Variants in DNAH7 observed in about 807,000 individuals in gnomAD.
The protein encoded by DNAH7 is axonemal beta dynein heavy chain 7.
In DNAH7, 397 loss-of-function variants were observed where a neutral mutation model predicts 444.6. That is an observed-to-expected ratio of 0.89 (90% CI 0.82 to 0.97). DNAH7 has a LOEUF of 0.97. Among genes scored for constraint, DNAH7 ranks in the 50% least tolerant of loss-of-function variants. The probability of loss-of-function intolerance (pLI) is 0.00; values close to 1 mark genes in which losing one functional copy is unlikely to be tolerated. For synonymous variants in DNAH7, 1,636 were observed against 1,624.4 expected (o/e 1.01, Z -0.17); for missense variants, 4,902 against 4,800.8 (o/e 1.02, Z -0.62).
intron 55 of DNAH7, among the ~76,000 whole-genome samples, chr2:195,797,767 A>T (rs556123086): frequency 2.8e-4 from 43 of 152,314 alleles, no homozygotes; most frequent in African/African-American, 1.0e-3. Flanking sequence ...TATAGGTCAG[A>T]TCATGTCAGT....
intron 17 of DNAH7, among the ~76,000 whole-genome samples, chr2:195,966,693 T>C (rs1468772209): frequency 6.6e-6 from 1 of 152,206 alleles, no homozygotes; most frequent in Admixed American, 6.5e-5. Flanking sequence ...CTTGTATCGT[T>C]ATATAATACT....
rs1361594355 is a variant in DNAH7, at chr2:195,864,908, A to T, written c.6747T>A (p.Phe2249Leu). The T allele has an allele frequency of 6.2e-7, 1 of 1,613,466 alleles. No homozygotes were observed. Among genetic ancestry groups the T allele is most frequent in the Admixed American group, 1.7e-5 (1 of 60,024 alleles). Residue 2249 changes from phenylalanine (F) to leucine (L), a missense_variant, in exon 41 of 65, where the codon TTT (phenylalanine) becomes TTA (leucine). Coordinates refer to ENST00000312428, the MANE Select transcript of DNAH7 (RefSeq NM_018897.3). ...CATCATTATCAAAATCCAAACGCTG[A>T]AAAAGCTCATGAAAATCTTCATACA... ...NYMYEDFHEL[F>L]QRLDFDNDGM...
At chr2:195,850,370 A>G (rs1467941310) in intron 46 of DNAH7, among the ~76,000 whole-genome samples, 2 of 152,074 alleles carry the variant, frequency 1.3e-5, no homozygotes. Flanking sequence ...AATACCCAAC[A>G]CCATTAAAAC....
chr2:195,832,209 A>C (rs543765357), intron 48 of DNAH7, among the ~76,000 whole-genome samples: 1 of 152,310 alleles, frequency 6.6e-6, no homozygotes, highest in South Asian at 2.1e-4. Context: ...ATACTTTGGA[A>C]AACACTAAAC....
rs1688181345 is a variant in DNAH7, at chr2:195,923,958, CT to C, written c.3613-152del. 4 of 778,322 alleles carry C rather than the reference CT, an allele frequency of 5.1e-6. No individual in the cohort carries two copies. The South Asian group carries it at 7.5e-5, about 15-fold the overall frequency. 48.2% of individuals were successfully genotyped at this position (778,322 alleles called of 1,614,324 possible). A position where few individuals can be genotyped will look rare whatever the true frequency, so the allele number is the denominator to read the frequency against. On this transcript the variant is annotated intron_variant, in intron 22 of 64. Transcript: ENST00000312428. ...ATTTAAAAATAATTTGTTTTTCTGA[CT>C]ACAAAGATACTAGGTAAACAAGACC...
At chr2:195,859,537 T>A (rs1320456029) in intron 42 of DNAH7, among the ~76,000 whole-genome samples, 1 of 152,030 alleles carries the variant, frequency 6.6e-6, no homozygotes, top group Non-Finnish European at 1.5e-5. Flanking sequence ...TACCATAATG[T>A]CTCCAAGTAA....
chr2:195,787,073 C>T lies in DNAH7; in HGVS notation c.10815G>A (p.Glu3605=), dbSNP rs752313196. 2.5e-6 allele frequency: 4 copies of T among 1,612,402 alleles called. No homozygotes were observed. The highest frequency in any genetic ancestry group is 3.4e-6 in the Non-Finnish European group (4 of 1,179,524). The change falls in exon 58 of 65, where the codon GAG becomes GAA. Residue 3605 remains glutamate, a synonymous_variant. Coordinates refer to ENST00000312428, the MANE Select transcript of DNAH7 (RefSeq NM_018897.3). ...FGPLGWNIPY[E]FNETDLRISV... ...TGATTCTCAGATCTGTCTCATTGAA[C>T]TCATAAGGAATATTCCACCCTAGGG...
intron 19 of DNAH7, among the ~76,000 whole-genome samples, chr2:195,944,388 T>A (rs1689662066): frequency 6.6e-6 from 1 of 152,166 alleles, no homozygotes. Flanking sequence ...TTGACTAGCA[T>A]CTTGAAACAG....
chr2:195,923,743 C>T lies in DNAH7; in HGVS notation c.3677G>A (p.Gly1226Asp), dbSNP rs868337894. 1.9e-6 allele frequency: 3 copies of T among 1,614,098 alleles called. No individual in the cohort carries two copies. Among genetic ancestry groups the T allele is most frequent in the East Asian group, 2.2e-5 (1 of 44,874 alleles). Residue 1226 changes from glycine to aspartate, a missense_variant, in exon 23 of 65, where the codon GGC (glycine) becomes GAC (aspartate). Gly to Asp is a moderately conservative substitution (Grantham distance 94). Coordinates refer to ENST00000312428, the MANE Select transcript of DNAH7 (RefSeq NM_018897.3). ...QIDDIVTLVR[G>D]KLSMQNRVTL... ...TACGCGATTCTGCATGGACAATTTG[C>T]CACGCACCAAAGTGACAATATCATC...
intron 63 of DNAH7, among the ~76,000 whole-genome samples, chr2:195,745,214 G>A (rs140788134): frequency 0.013 from 2,014 of 152,294 alleles, 48 homozygotes; most frequent in Non-Finnish European, 0.015. Flanking sequence ...GAATGCAGAA[G>A]CCTCAGGAGC....
In DNAH7 at chr2:195,857,399, T is replaced by C. The variant is rs1699774069; in HGVS notation, c.8392A>G (p.Ile2798Val). 6.3e-7 allele frequency: 1 copy of C among 1,594,768 alleles called. No individual in the cohort carries two copies. Among genetic ancestry groups the C allele is most frequent in the Non-Finnish European group, 8.5e-7 (1 of 1,173,196 alleles). The stretch of plus-strand genomic sequence containing the variant: ...TACTTATCATATGAATCCATTGCTA[T>C]GACCCATTTGCACAGACCTTCGGCC... ...TAAEGLCKWV[I>V]AMDSYDKVAK... The change falls in exon 44 of 65, where the codon ATA becomes GTA. Residue 2798 changes from isoleucine to valine, a missense_variant. By Grantham distance (29) the Ile-to-Val change is conservative. Coordinates refer to ENST00000312428, the MANE Select transcript of DNAH7 (RefSeq NM_018897.3).
chr2:195,976,749 G>GAGAGAGACAGAGAGGCAGAC (rs1692220491), intron 15 of DNAH7, among the ~76,000 whole-genome samples: 1 of 94,916 alleles, frequency 1.1e-5, no homozygotes, highest in African/African-American at 7.2e-5. Context: ...GAGGCAGACA[G>GAGAGAGACAGAGAGGCAGAC]AGAGAGAGAG....
rs369850300 is a variant in DNAH7 at position 195,946,688 on chromosome 2, TTTCTCTCTCC to T, written c.3079-9906_3079-9897del. ...CTCACTCTCTCTTTCTTTCTCTCTC[TTTCTCTCTCC>T]CTCTTACTTTCTCTCTCCCCATCCC... On this transcript the variant is annotated intron_variant, in intron 19 of 64. Transcript: ENST00000312428. Among the ~76,000 whole-genome samples the T allele has an allele frequency of 2.1e-3, 318 of 152,256 alleles. 1 individual carries two copies. Among genetic ancestry groups the T allele is most frequent in the African/African-American group, 7.1e-3 (297 of 41,560 alleles).
Position 195,777,995 on chromosome 2 carries a change from T to C in DNAH7, c.10879-10A>G, listed in dbSNP as rs1272276938. 3.2e-6 allele frequency: 5 copies of C among 1,584,640 alleles called. No individual in the cohort carries two copies. Among genetic ancestry groups the C allele is most frequent in the East Asian group, 2.3e-5 (1 of 44,114 alleles). On this transcript the variant is annotated splice_polypyrimidine_tract_variant and intron_variant, in intron 58 of 64. Transcript: ENST00000312428. ...CCTCATACGGCAGTTCCTAAAATAG[T>C]GCGTGTCAGTCAACCAGTTATCAGT...
intron 54 of DNAH7, among the ~76,000 whole-genome samples, chr2:195,806,006 CTGAA>C (rs1232826322): frequency 6.6e-6 from 1 of 151,838 alleles, no homozygotes; most frequent in Non-Finnish European, 1.5e-5. Context: ...ACAGATGAAA[CTGAA>C]TATAAGTTTT....
chr2:195,798,891 C>G (rs4358140), intron 55 of DNAH7, among the ~76,000 whole-genome samples: 78,723 of 151,724 alleles, frequency 0.52, 21,156 homozygotes, highest in Non-Finnish European at 0.61. Flanking sequence ...TACAATTGTT[C>G]TGGAAAGTCA....
At chr2:195,784,177 T>C (rs529057767) in intron 58 of DNAH7, among the ~76,000 whole-genome samples, 3 of 152,332 alleles carry the variant, frequency 2.0e-5, no homozygotes, top group East Asian at 3.9e-4. Context: ...AGATTCATAA[T>C]GCTGTGTATC....
chr2:195,941,026 A>G (rs1689397638), intron 19 of DNAH7, among the ~76,000 whole-genome samples: 1 of 152,168 alleles, frequency 6.6e-6, no homozygotes, highest in Non-Finnish European at 1.5e-5. Context: ...TACTAGGTAT[A>G]TACCCAAAGG....
intron 50 of DNAH7, 108 bp from the exon 51 acceptor site, chr2:195,817,071 C>T (rs1697258747): frequency 1.4e-5 from 11 of 774,798 alleles, no homozygotes; most frequent in Admixed American, 9.2e-5. Context: ...AGAAATGCAT[C>T]ACTTTGTGAC....
Sources: allele counts gnomAD v4.1 joint callset (sites outside exome capture counted in the v4.1 genomes callset), GRCh38; gene constraint gnomAD v4.1.1; transcripts MANE v1.5; gene names NCBI Gene and HGNC (gene_info 2026-07-23, HGNC 2026-07-21).